The following LRRN1 variants were observed in gnomAD, a reference collection of about 807,000 sequenced individuals.
The protein encoded by LRRN1 is leucine rich repeat neuronal 1, also known as leucine-rich repeat neuronal protein 1.
Under a neutral mutation model 45.8 loss-of-function variants are expected in LRRN1, and 14 were observed. The observed-to-expected ratio is 0.31, with a 90% confidence interval of 0.20 to 0.48. The LOEUF is 0.48. Ranked by LOEUF, LRRN1 falls within the 20% of genes least tolerant of loss-of-function variation. The pLI, the probability that LRRN1 is intolerant of heterozygous loss-of-function variation, is 0.99. For missense variants in LRRN1, 789 were observed against 874.2 expected (o/e 0.90, Z 1.23); for synonymous variants, 359 against 330.1 (o/e 1.09, Z -0.95).
intron 1 of LRRN1, among the ~76,000 whole-genome samples, chr3:3,835,875 AAG>A (rs1355558328): frequency 6.6e-6 from 1 of 152,112 alleles, no homozygotes; most frequent in Non-Finnish European, 1.5e-5. Context: ...GAAAAAAAAA[AAG>A]AAGCATCAAA....
At chr3:3,829,485 G>C (rs545089042) in intron 1 of LRRN1, among the ~76,000 whole-genome samples, 1 of 152,302 alleles carries the variant, frequency 6.6e-6, no homozygotes, top group South Asian at 2.1e-4. Context: ...ATGAATTCTA[G>C]CTATGGGACA....
chr3:3,803,997 A>C (rs1692706979), intron 1 of LRRN1: 1 of 152,252 alleles, frequency 6.6e-6, no homozygotes, highest in Admixed American at 6.5e-5. Context: ...CTTTATGGGC[A>C]CCCTGTAGAA....
chr3:3,803,266 T>C (rs979951233), intron 1 of LRRN1, among the ~76,000 whole-genome samples: 3 of 152,192 alleles, frequency 2.0e-5, no homozygotes, highest in African/African-American at 4.8e-5. Flanking sequence ...TACGGAGTTA[T>C]ATTGCTACTT....
intron 1 of LRRN1, among the ~76,000 whole-genome samples, chr3:3,843,569 A>ACCC (rs11386855): frequency 1.3e-5 from 2 of 148,368 alleles, no homozygotes; most frequent in Admixed American, 6.7e-5. Flanking sequence ...TTCCCACTGT[A>ACCC]CCCCCCCCCA....
At chr3:3,819,002 A>AT (rs969609668) in intron 1 of LRRN1, among the ~76,000 whole-genome samples, 8 of 135,000 alleles carry the variant, frequency 5.9e-5, no homozygotes, top group African/African-American at 1.6e-4. Flanking sequence ...CTTTACTTTT[A>AT]TTTTTTTTGA....
chr3:3,806,174 C>T (rs532487485), intron 1 of LRRN1, among the ~76,000 whole-genome samples: 5 of 152,284 alleles, frequency 3.3e-5, no homozygotes, highest in East Asian at 3.9e-4. Context: ...AGCCCCACGA[C>T]GGAGAATTAT....
Position 3,834,739 on chromosome 3 carries a change from T to C in LRRN1, c.-278-9625T>C, listed in dbSNP as rs1398707372. 3.3e-5 allele frequency among the ~76,000 whole-genome samples: 5 copies of C among 150,940 alleles called. No homozygotes were observed. The East Asian group carries it at 9.7e-4, about 29-fold the overall frequency. Reference sequence around the variant, plus strand: ...AAACTGAAGAACTTGGAGTCTGATGTTCGAGGGCAGGAAGCATCCAGCACA... The same window carrying C: ...AAACTGAAGAACTTGGAGTCTGATGCTCGAGGGCAGGAAGCATCCAGCACA... On this transcript the variant is annotated intron_variant, in intron 1 of 1. Coordinates refer to ENST00000319331, the MANE Select transcript of LRRN1 (RefSeq NM_020873.7).
At chr3:3,833,673 T>A (rs559020761) in intron 1 of LRRN1, among the ~76,000 whole-genome samples, 3 of 152,206 alleles carry the variant, frequency 2.0e-5, no homozygotes, top group Middle Eastern at 3.4e-3. Context: ...TCAACATTAT[T>A]TTGCCTGGCA....
At chr3:3,813,334 A>T (rs1264253127) in intron 1 of LRRN1, among the ~76,000 whole-genome samples, 3 of 152,198 alleles carry the variant, frequency 2.0e-5, no homozygotes, top group Admixed American at 6.5e-5. Flanking sequence ...ATAATATTAG[A>T]TCATTTCAAC....
intron 1 of LRRN1, among the ~76,000 whole-genome samples, chr3:3,819,008 T>C (rs1243328693): frequency 2.0e-5 from 3 of 152,126 alleles, no homozygotes; most frequent in African/African-American, 7.2e-5. Flanking sequence ...TTTTATTTTT[T>C]TTGAGACAAG....
chr3:3,820,632 C>T (rs1387009362), intron 1 of LRRN1, among the ~76,000 whole-genome samples: 1 of 152,222 alleles, frequency 6.6e-6, no homozygotes, highest in East Asian at 1.9e-4. Flanking sequence ...ATTCAAATTA[C>T]ATGAACTTTA....
rs1212228268 is a variant in LRRN1 at position 3,846,679 on chromosome 3, C to T, written c.2038C>T (p.Leu680=). The T allele has an allele frequency of 1.2e-6, 2 of 1,613,794 alleles. No individual in the cohort carries two copies. The highest frequency in any genetic ancestry group is 1.7e-6 in the Non-Finnish European group (2 of 1,179,962). Residue 680 remains leucine, a synonymous_variant, in exon 2 of 2, where the codon CTG becomes TTG. Transcript: ENST00000319331. This position sits in a 1 kb window ranked among gnomAD's most constrained non-coding sequence, Gnocchi z 5.7. ...AACCTCTTCAATCCCACTAAATGAG[C>T]TGTACCCACCACTCATTAACCTCTG... The part of the protein sequence containing the change: ...QKTSSIPLNE[L]YPPLINLWEG...
intron 1 of LRRN1, among the ~76,000 whole-genome samples, chr3:3,839,519 A>G (rs2106468809): frequency 6.6e-6 from 1 of 152,256 alleles, no homozygotes; most frequent in Middle Eastern, 3.4e-3. Context: ...TGTAGAAATT[A>G]CCATTGAGAT....
intron 1 of LRRN1, among the ~76,000 whole-genome samples, chr3:3,801,529 A>G (rs1315314035): frequency 6.6e-6 from 1 of 152,204 alleles, no homozygotes; most frequent in Non-Finnish European, 1.5e-5. Flanking sequence ...ATGTGTCCCG[A>G]AGTCTCTGAT....
At chr3:3,830,977 A>G (rs993589792) in intron 1 of LRRN1, among the ~76,000 whole-genome samples, 3 of 152,174 alleles carry the variant, frequency 2.0e-5, no homozygotes. Flanking sequence ...TGATTCATCT[A>G]TGGGGGCCTG....
chr3:3,846,823 G>A lies in LRRN1; in HGVS notation c.*31G>A, dbSNP rs375708677. 1 of 1,524,822 alleles carries A rather than the reference G, an allele frequency of 6.6e-7. No individual in the cohort carries two copies. 94.5% of individuals were successfully genotyped at this position (1,524,822 alleles called of 1,614,324 possible). A position where few individuals can be genotyped will look rare whatever the true frequency, so the allele number is the denominator to read the frequency against. The stretch of plus-strand genomic sequence containing the variant: ...AGGATATTTTGCTTCTGGTAGTAAG[G>A]AGCACAAAGACGTTTTTGCTTTATT... On this transcript the variant is annotated 3_prime_UTR_variant, in exon 2 of 2. Coordinates refer to ENST00000319331, the MANE Select transcript of LRRN1 (RefSeq NM_020873.7). The surrounding 1 kb of genome is among the most constrained non-coding windows in gnomAD (Gnocchi z 5.7).
At chr3:3,825,901 TATC>T (rs1188246863) in intron 1 of LRRN1, among the ~76,000 whole-genome samples, 1 of 152,214 alleles carries the variant, frequency 6.6e-6, no homozygotes, top group Non-Finnish European at 1.5e-5. Flanking sequence ...ATCATCTAGT[TATC>T]ATATATTCCC....
At chr3:3,834,545 T>TATATATATATATATATATATATATAC (rs1303738215) in intron 1 of LRRN1, among the ~76,000 whole-genome samples, 1 of 115,482 alleles carries the variant, frequency 8.7e-6, no homozygotes, top group Non-Finnish European at 1.8e-5. Flanking sequence ...TATATATATA[T>TATATATATATATATATATATATATAC]ATATATATGA....
intron 1 of LRRN1, among the ~76,000 whole-genome samples, chr3:3,840,710 T>C (rs1693633740): frequency 6.6e-6 from 1 of 152,194 alleles, no homozygotes; most frequent in African/African-American, 2.4e-5. Context: ...GAGAAAAAAA[T>C]GTCTTCCTCT....
Sources: allele counts gnomAD v4.1 joint callset (sites outside exome capture counted in the v4.1 genomes callset), GRCh38; gene constraint gnomAD v4.1.1; non-coding constraint Gnocchi (gnomAD v3.1); transcripts MANE v1.5; gene names NCBI Gene and HGNC (gene_info 2026-07-23, HGNC 2026-07-21).